The following UBE2D2 variants were observed in gnomAD, a reference collection of about 807,000 sequenced individuals.
The protein encoded by UBE2D2 is ubiquitin-conjugating enzyme E2 D2.
In UBE2D2, 2 loss-of-function variants were observed where a neutral mutation model predicts 24.2. The ratio of observed to expected loss-of-function variants is 0.08; its 90% confidence interval spans 0.03 to 0.26. The LOEUF (loss-of-function observed/expected upper bound fraction) is 0.26, where lower values mean the gene tolerates loss of function less well. Ranked by LOEUF, UBE2D2 falls within the 10% of genes least tolerant of loss-of-function variation. UBE2D2 has a pLI of 1.00. For synonymous variants in UBE2D2, 58 were observed against 56.5 expected (o/e 1.03, Z -0.12); for missense variants, 44 against 177.6 (o/e 0.25, Z 4.28).
intron 2 of UBE2D2, 104 bp downstream of exon 2, chr5:139,600,539 C>G: frequency 2.7e-6 from 3 of 1,119,410 alleles, no homozygotes; most frequent in Non-Finnish European, 3.9e-6. Context: ...CCCTTAGTGG[C>G]CCATGAAGGG....
chr5:139,532,912 G>A (rs1752615108), intron 1 of UBE2D2, among the ~76,000 whole-genome samples: 1 of 152,026 alleles, frequency 6.6e-6, no homozygotes. Flanking sequence ...TTTGAGACCA[G>A]CCTGGCCAAC....
intron 1 of UBE2D2, among the ~76,000 whole-genome samples, chr5:139,580,897 A>G (rs972806927): frequency 1.3e-5 from 2 of 152,200 alleles, no homozygotes; most frequent in Admixed American, 1.3e-4. Flanking sequence ...AGCCTGAGCG[A>G]CAGAGTGAGA....
chr5:139,600,018 G>A (rs1366377866), intron 1 of UBE2D2, among the ~76,000 whole-genome samples: 2 of 151,810 alleles, frequency 1.3e-5, no homozygotes, highest in Admixed American at 6.6e-5. Context: ...GGCTGGTCTC[G>A]AACTCCTGAC....
intron 1 of UBE2D2, among the ~76,000 whole-genome samples, chr5:139,565,621 T>G (rs1753198698): frequency 6.6e-6 from 1 of 152,212 alleles, no homozygotes; most frequent in Admixed American, 6.5e-5. Flanking sequence ...GTGTCTAAAA[T>G]AAGATCCAGT....
intron 1 of UBE2D2, among the ~76,000 whole-genome samples, chr5:139,552,341 T>C (rs1424290059): frequency 6.6e-6 from 1 of 151,940 alleles, no homozygotes; most frequent in Non-Finnish European, 1.5e-5. Context: ...TTTTTTTTGG[T>C]ATTTTTAGTA....
At chr5:139,562,471 G>A in intron 1 of UBE2D2, 1 of 1,273,460 alleles carries the variant, frequency 7.9e-7, no homozygotes, top group Non-Finnish European at 1.0e-6. Flanking sequence ...GTTGCTGTAT[G>A]TAGTTAGAAA....
intron 1 of UBE2D2, among the ~76,000 whole-genome samples, chr5:139,577,117 C>T (rs771056335): frequency 6.6e-5 from 10 of 151,904 alleles, no homozygotes; most frequent in East Asian, 1.9e-4. Flanking sequence ...CGGTGGTAAC[C>T]GTGGTCAGAC....
chr5:139,526,622 G>T (rs1305919642), intron 1 of UBE2D2: 3 of 152,282 alleles, frequency 2.0e-5, no homozygotes, highest in African/African-American at 7.2e-5. Flanking sequence ...GGTAAGACTA[G>T]TCTTTGGAAC....
chr5:139,546,383 C>T (rs866429316), intron 1 of UBE2D2, among the ~76,000 whole-genome samples: 1 of 152,102 alleles, frequency 6.6e-6, no homozygotes, highest in South Asian at 2.1e-4. Flanking sequence ...CAGAGTTTCA[C>T]CATATTGGCC....
At chr5:139,587,255 G>T (rs1361727883) in intron 1 of UBE2D2, among the ~76,000 whole-genome samples, 1 of 152,198 alleles carries the variant, frequency 6.6e-6, no homozygotes, top group African/African-American at 2.4e-5. Context: ...ATCGGGAGTG[G>T]CAATGGGTGC....
intron 1 of UBE2D2, among the ~76,000 whole-genome samples, chr5:139,564,933 A>G (rs1214547664): frequency 2.0e-5 from 3 of 152,002 alleles, no homozygotes; most frequent in Admixed American, 1.3e-4. Flanking sequence ...TTTTTTCCAA[A>G]CTCTTTGTAC....
chr5:139,543,265 T>C (rs1486880450), intron 1 of UBE2D2, among the ~76,000 whole-genome samples: 1 of 152,196 alleles, frequency 6.6e-6, no homozygotes, highest in Non-Finnish European at 1.5e-5. Context: ...AGGTAAACTT[T>C]GTGTGACACC....
intron 1 of UBE2D2, among the ~76,000 whole-genome samples, chr5:139,576,967 ATTTTTTTT>A (rs57930268): frequency 1.0e-5 from 1 of 96,752 alleles, no homozygotes; most frequent in South Asian, 3.2e-4. Flanking sequence ...TTTAACTTGA[ATTTTTTTT>A]TTTTTTTTTG....
At chr5:139,579,934 C>T (rs1229752450) in intron 1 of UBE2D2, among the ~76,000 whole-genome samples, 1 of 151,832 alleles carries the variant, frequency 6.6e-6, no homozygotes, top group Non-Finnish European at 1.5e-5. Context: ...GTAATCCCAG[C>T]TACTCGGGAG....
At chr5:139,583,044 G>C (rs975787342) in intron 1 of UBE2D2, among the ~76,000 whole-genome samples, 5 of 150,036 alleles carry the variant, frequency 3.3e-5, no homozygotes, top group South Asian at 2.1e-4. Flanking sequence ...GCACGATCTT[G>C]GCTCACTCCA....
chr5:139,564,028 A>G (rs1753165405), intron 1 of UBE2D2, among the ~76,000 whole-genome samples: 1 of 152,176 alleles, frequency 6.6e-6, no homozygotes, highest in African/African-American at 2.4e-5. Context: ...CACAAAACAT[A>G]CGTTTTAATT....
At chr5:139,612,871 C>T (rs1754352230) in intron 2 of UBE2D2, among the ~76,000 whole-genome samples, 1 of 152,112 alleles carries the variant, frequency 6.6e-6, no homozygotes, top group Non-Finnish European at 1.5e-5. Flanking sequence ...AACTCCTGGG[C>T]TCAAGTCATC....
intron 2 of UBE2D2, among the ~76,000 whole-genome samples, chr5:139,603,855 A>G (rs1156750973): frequency 2.6e-5 from 4 of 151,632 alleles, no homozygotes; most frequent in Non-Finnish European, 5.9e-5. Flanking sequence ...AGGCTGAGGC[A>G]GGAGAATCGC....
At chr5:139,557,023 C>G (rs113084429), upstream of UBE2D2, among the ~76,000 whole-genome samples, 1 of 150,390 alleles carries the variant, frequency 6.6e-6, no homozygotes, top group African/African-American at 2.4e-5. Context: ...TTAGTAGAGA[C>G]GGGGTTTCAT....
Sources: gnomAD v4.1 joint callset for allele counts (sites outside exome capture counted in the v4.1 genomes callset) on GRCh38, gnomAD v4.1.1 for gene constraint, MANE v1.5 for transcripts, NCBI Gene and HGNC (gene_info 2026-07-23, HGNC 2026-07-21) for gene names.